Variants in TANC2 observed in about 807,000 individuals in gnomAD.
The protein encoded by TANC2 is tetratricopeptide repeat, ankyrin repeat and coiled-coil containing 2, also known as protein TANC2.
TANC2 carries 26 observed loss-of-function variants against 210.5 expected under a neutral mutation model. The observed-to-expected ratio is 0.12, with a 90% CI of 0.09 to 0.17. The LOEUF (loss-of-function observed/expected upper bound fraction) is 0.17. Ranked by LOEUF, TANC2 falls within the 10% of genes least tolerant of loss-of-function variation. The probability of loss-of-function intolerance (pLI) is 1.00; values close to 1 mark genes in which losing one functional copy is unlikely to be tolerated. For synonymous variants in TANC2, 931 were observed against 967.1 expected, an observed-to-expected ratio of 0.96 and a Z score of 0.69; for missense variants, 2,129 against 2,608.9, an observed-to-expected ratio of 0.82 and a Z score of 4.01.
At chr17:62,994,835 C>G (rs961266726) in intron 1 of TANC2, among the ~76,000 whole-genome samples, 2 of 152,126 alleles carry the variant, frequency 1.3e-5, no homozygotes, top group South Asian at 4.1e-4. Context: ...TTTTTGCATT[C>G]TTCTTCTGAT....
In TANC2 at chr17:63,412,458, G is replaced by C. The variant is rs200309427; in HGVS notation, c.3899-222G>C. 1.3e-5 allele frequency among the ~76,000 whole-genome samples: 2 copies of C among 152,174 alleles called. No individual in the cohort carries two copies. Among genetic ancestry groups the C allele is most frequent in the East Asian group, 3.8e-4 (2 of 5,198 alleles). On this transcript the variant is annotated intron_variant, in intron 23 of 27. Transcript: ENST00000689528. The surrounding 1 kb of genome is among the most constrained non-coding windows in gnomAD (Gnocchi z 4.2). Reference sequence around the variant, plus strand: ...ATCCTGGATCTCTGCGCTGCCGTGAGCCTTTGCTTTCCCTTGCTCTGAATG... The same window carrying C: ...ATCCTGGATCTCTGCGCTGCCGTGACCCTTTGCTTTCCCTTGCTCTGAATG...
At chr17:63,238,721 A>G (rs1298464345) in intron 8 of TANC2, among the ~76,000 whole-genome samples, 1 of 152,204 alleles carries the variant, frequency 6.6e-6, no homozygotes, top group Non-Finnish European at 1.5e-5. Context: ...TGGATAATTT[A>G]TAAACAAAAG....
intron 1 of TANC2, among the ~76,000 whole-genome samples, chr17:62,992,596 A>G (rs1404929517): frequency 1.3e-5 from 2 of 152,244 alleles, no homozygotes; most frequent in Non-Finnish European, 2.9e-5. Flanking sequence ...TTGAGAACTG[A>G]GAACTTTACT....
chr17:63,295,078 G>A (rs1388489348), intron 9 of TANC2, among the ~76,000 whole-genome samples: 1 of 152,088 alleles, frequency 6.6e-6, no homozygotes, highest in Non-Finnish European at 1.5e-5. Flanking sequence ...TTGTTCATAT[G>A]TTCTAAATTT....
chr17:63,283,717 T>C (rs927222459), intron 9 of TANC2, among the ~76,000 whole-genome samples: 2 of 152,010 alleles, frequency 1.3e-5, no homozygotes, highest in African/African-American at 4.8e-5. Context: ...TTTATACTTA[T>C]CCTTCAGTAT....
At chr17:63,136,449 G>A (rs2039091669) in intron 4 of TANC2, among the ~76,000 whole-genome samples, 1 of 152,022 alleles carries the variant, frequency 6.6e-6, no homozygotes, top group African/African-American at 2.4e-5. Context: ...ATAGATGAAG[G>A]ACATGAACAG....
chr17:62,978,445 A>G (rs921617051), intron 1 of TANC2: 1 of 152,190 alleles, frequency 6.6e-6, no homozygotes, highest in Non-Finnish European at 1.5e-5. Context: ...TTAAAAGTTG[A>G]TAGACAAAAG....
At chr17:63,055,532 T>C (rs1357494929) in intron 2 of TANC2, among the ~76,000 whole-genome samples, 3 of 152,136 alleles carry the variant, frequency 2.0e-5, no homozygotes, top group Non-Finnish European at 4.4e-5. Context: ...GTTTATGATA[T>C]ATTTGAAGTA....
chr17:63,151,225 G>C, intron 4 of TANC2, 45 bp from the exon 5 acceptor site: 4 of 861,554 alleles, frequency 4.6e-6, no homozygotes, highest in Middle Eastern at 5.9e-4. Flanking sequence ...TTTCTCTCTT[G>C]CTCTCTCTGT....
rs1274512315 is a variant in TANC2 at position 63,276,725 on chromosome 17, A to G, written c.1159+8852A>G. Among the ~76,000 whole-genome samples, 3 of 152,244 alleles carry G rather than the reference A, an allele frequency of 2.0e-5. No homozygotes were observed. The East Asian group carries it at 5.8e-4, about 29-fold the overall frequency. On this transcript the variant is annotated intron_variant, in intron 9 of 27. Transcript: ENST00000689528. ...ATTAATAGAAGGCAATGGACTTTTT[A>G]AAACACTAAGACAAATGTTAACAGT...
chr17:63,279,211 T>C (rs1189276907), intron 9 of TANC2, among the ~76,000 whole-genome samples: 2 of 151,946 alleles, frequency 1.3e-5, no homozygotes, highest in Non-Finnish European at 2.9e-5. Context: ...GATTGAGAAA[T>C]GTGTAAAGTG....
chr17:63,208,960 A>G (rs2041803472), intron 7 of TANC2, among the ~76,000 whole-genome samples: 1 of 151,642 alleles, frequency 6.6e-6, no homozygotes, highest in East Asian at 1.9e-4. Flanking sequence ...TTCCTTACCT[A>G]TCCTTATATC....
At chr17:63,368,051 A>C (rs1192707607) in intron 14 of TANC2, among the ~76,000 whole-genome samples, 1 of 152,226 alleles carries the variant, frequency 6.6e-6, no homozygotes, top group Non-Finnish European at 1.5e-5. Flanking sequence ...GGTAAGACCT[A>C]TAACAGGAGA....
At chr17:63,104,766 G>GTACATAACCTAACTCTGTAGC (rs2037762072) in intron 4 of TANC2, among the ~76,000 whole-genome samples, 1 of 151,878 alleles carries the variant, frequency 6.6e-6, no homozygotes, top group African/African-American at 2.4e-5. Flanking sequence ...GTGCTGTATA[G>GTACATAACCTAACTCTGTAGC]CTTTCTGTAA....
chr17:63,005,207 T>G (rs2033563295), intron 1 of TANC2: 2 of 151,984 alleles, frequency 1.3e-5, no homozygotes, highest in Non-Finnish European at 2.9e-5. Flanking sequence ...TTGAAAAGAC[T>G]TTCCTTTTAC....
intron 14 of TANC2, among the ~76,000 whole-genome samples, chr17:63,369,240 G>A (rs974174268): frequency 2.6e-5 from 4 of 152,152 alleles, no homozygotes; most frequent in African/African-American, 9.7e-5. Flanking sequence ...CAAACACAAA[G>A]ACCCCTGGTA....
At chr17:63,394,700 G>A (rs1038304855) in intron 17 of TANC2, among the ~76,000 whole-genome samples, 1 of 152,164 alleles carries the variant, frequency 6.6e-6, no homozygotes, top group South Asian at 2.1e-4. Flanking sequence ...AGACCTTTCT[G>A]TCTGAATCTG....
intron 3 of TANC2, among the ~76,000 whole-genome samples, chr17:63,084,493 T>C (rs2036889933): frequency 1.3e-5 from 2 of 151,954 alleles, no homozygotes. Context: ...ATTTCCAATT[T>C]CATTGATTTC....
At chr17:63,271,594 C>T (rs1029076269) in intron 9 of TANC2, among the ~76,000 whole-genome samples, 5 of 151,674 alleles carry the variant, frequency 3.3e-5, no homozygotes, top group Admixed American at 3.3e-4. Flanking sequence ...TATCCTAATG[C>T]TGTTCCCACC....
Sources: gnomAD v4.1 joint callset for allele counts (sites outside exome capture counted in the v4.1 genomes callset) on GRCh38, gnomAD v4.1.1 for gene constraint, Gnocchi (gnomAD v3.1) non-coding constraint, MANE v1.5 for transcripts, NCBI Gene and HGNC (gene_info 2026-07-23, HGNC 2026-07-21) for gene names.